TESK2: variants seen among roughly 807,000 people sequenced by gnomAD.
TESK2 encodes dual specificity testis-specific protein kinase 2.
TESK2 carries 39 observed loss-of-function variants against 57.1 expected under a neutral mutation model. The observed-to-expected ratio is 0.68, with a 90% CI of 0.53 to 0.89. The LOEUF is 0.89. TESK2 is among the 40% of genes least tolerant of loss of function. TESK2 has a pLI of 0.00. For missense variants in TESK2, 646 were observed against 732.1 expected (o/e 0.88, Z 1.36); for synonymous variants, 249 against 267.9 (o/e 0.93, Z 0.69).
intron 4 of TESK2, among the ~76,000 whole-genome samples, chr1:45,373,724 A>G (rs1648294473): frequency 6.6e-6 from 1 of 152,242 alleles, no homozygotes; most frequent in South Asian, 2.1e-4. Context: ...GACCAGGATA[A>G]CAAGAAAAGA....
At chr1:45,470,161 T>A (rs1652706375) in intron 1 of TESK2, among the ~76,000 whole-genome samples, 1 of 152,196 alleles carries the variant, frequency 6.6e-6, no homozygotes, top group African/African-American at 2.4e-5. Context: ...CTTTCTATAA[T>A]CATAAAAAGT....
At chr1:45,371,674 G>A (rs962916895) in intron 4 of TESK2, among the ~76,000 whole-genome samples, 6 of 151,924 alleles carry the variant, frequency 3.9e-5, no homozygotes, top group Non-Finnish European at 8.8e-5. Context: ...ACCAGCCTGG[G>A]CAACATGGTG....
At chr1:45,394,019 C>T (rs1457262006) in intron 3 of TESK2, among the ~76,000 whole-genome samples, 3 of 152,070 alleles carry the variant, frequency 2.0e-5, no homozygotes, top group African/African-American at 7.2e-5. Context: ...CCAAATCATA[C>T]CAGCTAGAAT....
At chr1:45,453,851 GCAAAGGATT>G (rs1651969359) in intron 2 of TESK2, among the ~76,000 whole-genome samples, 1 of 151,918 alleles carries the variant, frequency 6.6e-6, no homozygotes. Flanking sequence ...TCAAAAATGA[GCAAAGGATT>G]CAAATACACA....
chr1:45,379,849 G>A (rs1396412196), intron 4 of TESK2, among the ~76,000 whole-genome samples: 1 of 152,128 alleles, frequency 6.6e-6, no homozygotes, highest in Non-Finnish European at 1.5e-5. Flanking sequence ...TTGGCTGAGT[G>A]GTTCTCATCG....
intron 5 of TESK2, among the ~76,000 whole-genome samples, chr1:45,354,962 T>C (rs1288032717): frequency 1.3e-5 from 2 of 151,340 alleles, no homozygotes; most frequent in South Asian, 2.1e-4. Context: ...GGCGGGTGGA[T>C]TGTTTGCAGC....
chr1:45,436,803 T>TA (rs1267350818), intron 2 of TESK2, among the ~76,000 whole-genome samples: 1 of 145,718 alleles, frequency 6.9e-6, no homozygotes, highest in Non-Finnish European at 1.5e-5. Context: ...TAGTATCTTT[T>TA]TTTTTTTTTT....
intron 4 of TESK2, among the ~76,000 whole-genome samples, chr1:45,373,432 T>C (rs1385009562): frequency 6.6e-6 from 1 of 152,252 alleles, no homozygotes; most frequent in Non-Finnish European, 1.5e-5. Flanking sequence ...TTGCAAGTTA[T>C]TAATTCATTT....
At chr1:45,486,470 T>C (rs1031266221) in intron 1 of TESK2, among the ~76,000 whole-genome samples, 4 of 151,846 alleles carry the variant, frequency 2.6e-5, no homozygotes, top group Non-Finnish European at 5.9e-5. Context: ...TAAAACCTTT[T>C]GAGACCAGCC....
intron 3 of TESK2, chr1:45,398,983 GAAAAAA>G (rs372886401): frequency 1.4e-4 from 34 of 236,550 alleles, no homozygotes; most frequent in East Asian, 2.5e-4. Flanking sequence ...ACTAGGACCT[GAAAAAA>G]AAAAAAAAAA....
intron 3 of TESK2, among the ~76,000 whole-genome samples, chr1:45,403,460 C>T (rs1372496802): frequency 1.3e-5 from 2 of 152,128 alleles, no homozygotes; most frequent in Non-Finnish European, 2.9e-5. Context: ...CTCAGCTGAA[C>T]AGACATTAAC....
chr1:45,425,348 A>G (rs1650643853), intron 2 of TESK2, among the ~76,000 whole-genome samples: 1 of 152,172 alleles, frequency 6.6e-6, no homozygotes, highest in African/African-American at 2.4e-5. Context: ...TAAGTTAGCC[A>G]ATGAATTAAA....
At chr1:45,463,028 C>T (rs532329726) in intron 1 of TESK2, among the ~76,000 whole-genome samples, 1 of 152,222 alleles carries the variant, frequency 6.6e-6, no homozygotes, top group African/African-American at 2.4e-5. Context: ...CATTTGTATG[C>T]CTCCTTTTGA....
Position 45,346,989 on chromosome 1 carries a change from G to A in TESK2, c.782C>T (p.Pro261Leu), listed in dbSNP as rs1168882387. ...ATGCTTGCAGCTCACCTCTGTGCGGGGAAGATAGTCCGGATCGGCCTGGAT... is the reference window on the plus strand; with the variant it reads ...ATGCTTGCAGCTCACCTCTGTGCGGAGAAGATAGTCCGGATCGGCCTGGAT... Reference protein sequence around the residue: ...ARIQADPDYLPRTENFGLDYD... With the variant: ...ARIQADPDYLLRTENFGLDYD... Residue 261 changes from proline (P) to leucine (L), a missense_variant, in exon 8 of 11, where the codon CCC (proline) becomes CTC (leucine). Transcript: ENST00000372086. The A allele has an allele frequency of 5.6e-6, 9 of 1,614,062 alleles. No homozygotes were observed. The Admixed American group carries it at 1.3e-4, about 24-fold the overall frequency.
At chr1:45,490,609 C>T (rs1653679216) in intron 1 of TESK2, among the ~76,000 whole-genome samples, 1 of 152,006 alleles carries the variant, frequency 6.6e-6, no homozygotes. Context: ...CTAATGGGTT[C>T]CCAGGTTCTA....
chr1:45,368,144 G>A (rs988151300), intron 4 of TESK2, among the ~76,000 whole-genome samples: 1 of 149,074 alleles, frequency 6.7e-6, no homozygotes, highest in African/African-American at 2.5e-5. Flanking sequence ...ACAGGCGCCT[G>A]CCACCACACC....
intron 5 of TESK2, among the ~76,000 whole-genome samples, chr1:45,351,700 G>T (rs915774433): frequency 1.3e-5 from 2 of 152,224 alleles, no homozygotes; most frequent in African/African-American, 4.8e-5. Context: ...GAGCACGGAG[G>T]TTCCAAGGTC....
chr1:45,365,721 C>T (rs1452017497), intron 4 of TESK2, among the ~76,000 whole-genome samples: 9 of 145,170 alleles, frequency 6.2e-5, no homozygotes, highest in Admixed American at 5.6e-4. Flanking sequence ...CTCTGTTGCC[C>T]AGGCTGCAGT....
chr1:45,463,147 C>T (rs767542938), intron 1 of TESK2, among the ~76,000 whole-genome samples: 3 of 152,086 alleles, frequency 2.0e-5, no homozygotes, highest in African/African-American at 4.8e-5. Context: ...CTTTGTCAGA[C>T]GGGTAGTTTG....
Sources: allele counts gnomAD v4.1 joint callset (sites outside exome capture counted in the v4.1 genomes callset), GRCh38; gene constraint gnomAD v4.1.1; transcripts MANE v1.5; gene names NCBI Gene and HGNC (gene_info 2026-07-23, HGNC 2026-07-21).